Variants in CNTNAP4 observed in about 807,000 individuals in gnomAD.
CNTNAP4 encodes the protein contactin-associated protein-like 4.
A neutral mutation model predicts 148.4 loss-of-function variants in CNTNAP4; 98 were observed. The observed-to-expected ratio is 0.66, with a 90% confidence interval of 0.56 to 0.78. CNTNAP4 has a LOEUF of 0.78. CNTNAP4 is among the 30% of genes least tolerant of loss of function. CNTNAP4 has a pLI of 0.00. For synonymous variants in CNTNAP4, 730 were observed against 565.1 expected, an observed-to-expected ratio of 1.29 and a Z score of -4.14; for missense variants, 1,935 against 1,565.6, an observed-to-expected ratio of 1.24 and a Z score of -3.98.
At position 76,290,465 on chromosome 16, in the gene CNTNAP4, G is replaced by A. The variant is rs557231705; in HGVS notation, c.85+12718G>A. 9.9e-5 allele frequency among the ~76,000 whole-genome samples: 15 copies of A among 152,228 alleles called. No homozygotes were observed. The East Asian group carries it at 1.4e-3, about 14-fold the overall frequency. ...ACAACAAGCCCCTTTTGATTAGTCG[G>A]AGTGAAGTGGCAGGCACTCGCTCAT... On this transcript the variant is annotated intron_variant, in intron 1 of 23. Coordinates refer to ENST00000611870, the MANE Select transcript of CNTNAP4 (RefSeq NM_033401.5).
chr16:76,374,772 T>G lies in CNTNAP4; in HGVS notation c.390+19261T>G, dbSNP rs538846528. On this transcript the variant is annotated intron_variant, in intron 3 of 23. Coordinates refer to ENST00000611870, the MANE Select transcript of CNTNAP4 (RefSeq NM_033401.5). ...ATTATTATTATTATTATTATTATTA[T>G]TATTATTATTATTTGAGAGAAGTCT... Among the ~76,000 whole-genome samples, 140 of 149,306 alleles carry G rather than the reference T, an allele frequency of 9.4e-4. 1 individual carries two copies. The highest frequency in any genetic ancestry group is 3.1e-3 in the African/African-American group (127 of 40,884).
Position 76,415,331 on chromosome 16 carries a change from T to C in CNTNAP4, c.391-12121T>C, listed in dbSNP as rs988777222. ...TCAAAGATTCTACAAAATATATTTA[T>C]AATCAATAAGGAGTTTGTTTTTAAA... On this transcript the variant is annotated intron_variant, in intron 3 of 23. Coordinates refer to ENST00000611870, the MANE Select transcript of CNTNAP4 (RefSeq NM_033401.5). Among the ~76,000 whole-genome samples, 11 of 151,338 alleles carry C rather than the reference T, an allele frequency of 7.3e-5. No individual in the cohort carries two copies. The East Asian group carries it at 1.7e-3, about 24-fold the overall frequency.
chr16:76,348,416 A>G (rs1161648361), intron 2 of CNTNAP4, among the ~76,000 whole-genome samples: 1 of 152,148 alleles, frequency 6.6e-6, no homozygotes, highest in Non-Finnish European at 1.5e-5. Context: ...TAAATTCATC[A>G]GGCTAAGAGA....
rs556620057 is a variant in CNTNAP4 at position 76,461,961 on chromosome 16, G to A, written c.1339G>A (p.Glu447Lys). The change falls in exon 9 of 24, where the codon GAA becomes AAA. Residue 447 changes from glutamate (E) to lysine (K), a missense_variant. Coordinates refer to ENST00000611870, the MANE Select transcript of CNTNAP4 (RefSeq NM_033401.5). The stretch of plus-strand genomic sequence containing the variant: ...AACTGATTTCATCTCCCTAGGTGTC[G>A]AATTAAATGATGGGCAGTGGCATTC... ...KLPSDITAGV[E>K]LNDGQWHSVS... The A allele has an allele frequency of 1.7e-5, 27 of 1,613,330 alleles. No individual in the cohort carries two copies. Among genetic ancestry groups the A allele is most frequent in the Middle Eastern group, 1.7e-4 (1 of 6,054 alleles).
chr16:76,357,036 A>G (rs2012750648), intron 3 of CNTNAP4, among the ~76,000 whole-genome samples: 1 of 149,702 alleles, frequency 6.7e-6, no homozygotes, highest in Non-Finnish European at 1.5e-5. Flanking sequence ...AGGAAAAAAA[A>G]ACAAACAAAA....
At chr16:76,295,747 T>C (rs1959227759) in intron 1 of CNTNAP4, among the ~76,000 whole-genome samples, 2 of 152,244 alleles carry the variant, frequency 1.3e-5, no homozygotes, top group Non-Finnish European at 2.9e-5. Flanking sequence ...TGTATTACAA[T>C]AAATGTGCTT....
chr16:76,461,530 G>A (rs2080960867), intron 8 of CNTNAP4, among the ~76,000 whole-genome samples: 1 of 152,102 alleles, frequency 6.6e-6, no homozygotes, highest in African/African-American at 2.4e-5. Context: ...CAATATTGTT[G>A]TAATGATTGA....
At chr16:76,378,613 T>A (rs2015665571) in intron 3 of CNTNAP4, among the ~76,000 whole-genome samples, 1 of 152,226 alleles carries the variant, frequency 6.6e-6, no homozygotes, top group African/African-American at 2.4e-5. Context: ...TTGGTGTAAG[T>A]CTTGGGGTAT....
intron 2 of CNTNAP4, among the ~76,000 whole-genome samples, chr16:76,326,323 G>A (rs1040154074): frequency 1.3e-5 from 2 of 152,174 alleles, no homozygotes; most frequent in Admixed American, 6.5e-5. Flanking sequence ...TGAAAGTGTG[G>A]TGGGTGGCAC....
chr16:76,316,589 T>C (rs1280818215), intron 2 of CNTNAP4, 66 bp downstream of exon 2: 3 of 1,015,798 alleles, frequency 3.0e-6, no homozygotes, highest in Non-Finnish European at 4.6e-6. Flanking sequence ...TATCTTTGCA[T>C]ACAGTCATTA....
At chr16:76,365,751 CAAAAA>C (rs35586454) in intron 3 of CNTNAP4, among the ~76,000 whole-genome samples, 18,874 of 100,056 alleles carry the variant, frequency 0.19, 1,769 homozygotes, top group East Asian at 0.56. Flanking sequence ...GACTCCGTCT[CAAAAA>C]AAAAAAAAAA....
rs190121554 is a variant in CNTNAP4, at chr16:76,457,038, C to T, written c.1333+4269C>T. 4.0e-3 allele frequency among the ~76,000 whole-genome samples: 612 copies of T among 152,248 alleles called. 1 individual carries two copies. Among genetic ancestry groups the T allele is most frequent in the Non-Finnish European group, 6.2e-3 (420 of 68,012 alleles). On this transcript the variant is annotated intron_variant, in intron 8 of 23. Coordinates refer to ENST00000611870, the MANE Select transcript of CNTNAP4 (RefSeq NM_033401.5). Reference sequence around the variant, plus strand: ...TATTTTATTATTATGACAACATGTTCCTCCCCAGACTTAAAAGTTATGAGT... The same window carrying T: ...TATTTTATTATTATGACAACATGTTTCTCCCCAGACTTAAAAGTTATGAGT...
intron 11 of CNTNAP4, among the ~76,000 whole-genome samples, chr16:76,478,341 A>G (rs921026681): frequency 6.6e-6 from 1 of 152,226 alleles, no homozygotes; most frequent in African/African-American, 2.4e-5. Context: ...AGTGCACAAA[A>G]TGCAAATGTG....
In CNTNAP4 at chr16:76,286,174, AGTGTGTGTGTGT is replaced by A. The variant is rs57003243; in HGVS notation, c.85+8461_85+8472del. ...AATGAGTTGCTGAGATAGAATTATC[AGTGTGTGTGTGT>A]GTGTGTGTGTGTGTGTGTGTGTGTG... On this transcript the variant is annotated intron_variant, in intron 1 of 23. Transcript: ENST00000611870. Among the ~76,000 whole-genome samples the A allele has an allele frequency of 1.7e-3, 234 of 134,986 alleles. 1 individual carries two copies. Among genetic ancestry groups the A allele is most frequent in the Middle Eastern group, 7.8e-3 (2 of 256 alleles). 88.6% of individuals were successfully genotyped at this position (134,986 alleles called of 152,430 possible).
intron 16 of CNTNAP4, among the ~76,000 whole-genome samples, chr16:76,521,547 A>G (rs2083453804): frequency 6.6e-6 from 1 of 152,176 alleles, no homozygotes; most frequent in Admixed American, 6.6e-5. Context: ...TGCAGTTTTA[A>G]TTTCAGTTAA....
intron 3 of CNTNAP4, among the ~76,000 whole-genome samples, chr16:76,359,578 A>C (rs915877752): frequency 4.6e-5 from 7 of 152,222 alleles, no homozygotes; most frequent in African/African-American, 9.6e-5. Context: ...CAGATCATTT[A>C]ATAGAAATGC....
At chr16:76,342,393 AT>A (rs1443699937) in intron 2 of CNTNAP4, among the ~76,000 whole-genome samples, 1 of 151,410 alleles carries the variant, frequency 6.6e-6, no homozygotes, top group Non-Finnish European at 1.5e-5. Context: ...AGTTTTTGAC[AT>A]TTATGGTTGT....
intron 21 of CNTNAP4, among the ~76,000 whole-genome samples, chr16:76,552,992 C>A (rs796850820): frequency 3.3e-5 from 5 of 152,282 alleles, no homozygotes; most frequent in African/African-American, 1.2e-4. Context: ...TTAAAAGTAT[C>A]ATGACACCCT....
At chr16:76,400,441 T>C (rs1413362059) in intron 3 of CNTNAP4, among the ~76,000 whole-genome samples, 1 of 152,198 alleles carries the variant, frequency 6.6e-6, no homozygotes, top group African/African-American at 2.4e-5. Flanking sequence ...ATGCTGGATA[T>C]TAGGCTTCTG....
Sources: allele counts gnomAD v4.1 joint callset (sites outside exome capture counted in the v4.1 genomes callset), GRCh38; gene constraint gnomAD v4.1.1; transcripts MANE v1.5; gene names NCBI Gene and HGNC (gene_info 2026-07-23, HGNC 2026-07-21).